ATM: variants seen among roughly 807,000 people sequenced by gnomAD.
ATM encodes the protein ATM serine/threonine kinase.
ATM carries 308 observed loss-of-function variants against 387.0 expected under a neutral mutation model. The ratio of observed to expected loss-of-function variants is 0.80; its 90% confidence interval spans 0.73 to 0.87. The LOEUF is 0.87. ATM is among the 40% of genes least tolerant of loss of function. The probability of loss-of-function intolerance (pLI) is 0.00; values close to 1 mark genes in which losing one functional copy is unlikely to be tolerated. For missense variants in ATM, 3,312 were observed against 3,560.9 expected, an observed-to-expected ratio of 0.93 and a Z score of 1.78; for synonymous variants, 1,156 against 1,187.3, an observed-to-expected ratio of 0.97 and a Z score of 0.54.
intron 40 of ATM, among the ~76,000 whole-genome samples, chr11:108,313,594 GATTTTTCTC>G (rs2084355744): frequency 6.6e-6 from 1 of 152,080 alleles, no homozygotes; most frequent in Non-Finnish European, 1.5e-5. Flanking sequence ...CCACTCTCCT[GATTTTTCTC>G]CTTTCACTTT....
chr11:108,234,379 G>T (rs1294473082), intron 4 of ATM, among the ~76,000 whole-genome samples: 2 of 152,134 alleles, frequency 1.3e-5, no homozygotes, highest in East Asian at 3.9e-4. Flanking sequence ...TTTTAAGATT[G>T]TCAGTATGGA....
At position 108,366,950 on chromosome 11, in the gene ATM, A is replaced by G. The variant is rs1422194556; in HGVS notation, c.*1442A>G. The G allele has an allele frequency of 4.6e-6, 1 of 217,392 alleles. No individual in the cohort carries two copies. Among genetic ancestry groups the G allele is most frequent in the Non-Finnish European group, 9.3e-6 (1 of 108,056 alleles). 13.5% of individuals were successfully genotyped at this position (217,392 alleles called of 1,614,324 possible). A position where few individuals can be genotyped will look rare whatever the true frequency, so the allele number is the denominator to read the frequency against. On this transcript the variant is annotated 3_prime_UTR_variant, in exon 63 of 63. Coordinates refer to ENST00000675843, the MANE Select transcript of ATM (RefSeq NM_000051.4). ...ACTGGCAAATTGTTCCAGGACAGCT[A>G]CAGCATCAGCTCACATATTCACCTC...
At chr11:108,280,626 A>G (rs538291993) in intron 23 of ATM, among the ~76,000 whole-genome samples, 23 of 152,258 alleles carry the variant, frequency 1.5e-4, no homozygotes, top group Middle Eastern at 3.4e-3. Flanking sequence ...AAGCAATCCA[A>G]TTACACTGTT....
At chr11:108,305,414 T>C (rs903685665) in intron 37 of ATM, among the ~76,000 whole-genome samples, 4 of 152,088 alleles carry the variant, frequency 2.6e-5, no homozygotes, top group Non-Finnish European at 4.4e-5. Context: ...ACCCCGTCCC[T>C]ACTAAAAATA....
intron 59 of ATM, among the ~76,000 whole-genome samples, chr11:108,353,167 T>G (rs981124327): frequency 3.3e-5 from 5 of 151,914 alleles, no homozygotes; most frequent in Non-Finnish European, 7.4e-5. Flanking sequence ...TTTTTTTTTT[T>G]GATGGAGTTT....
chr11:108,229,524 AG>A, intron 4 of ATM: 1 of 525,360 alleles, frequency 1.9e-6, no homozygotes, highest in East Asian at 3.3e-5. Flanking sequence ...CAAGTGAAGC[AG>A]TGGGAGTTTA....
chr11:108,265,630 A>G lies in ATM; in HGVS notation c.2467-1541A>G, dbSNP rs1320434840. On this transcript the variant is annotated intron_variant, in intron 16 of 62. Coordinates refer to ENST00000675843, the MANE Select transcript of ATM (RefSeq NM_000051.4). The stretch of plus-strand genomic sequence containing the variant: ...ATGGCAACAAAAGACAGAATTGACA[A>G]ATGGGATCTAATTAAACTAAAGAGC... Among the ~76,000 whole-genome samples the G allele has an allele frequency of 2.7e-5, 4 of 150,232 alleles. No individual in the cohort carries two copies. The East Asian group carries it at 7.8e-4, about 29-fold the overall frequency.
In ATM at chr11:108,317,433, GAAAAT is replaced by G; in HGVS notation, c.6263_6267del (p.Asn2088ArgfsTer5). Reference sequence around the variant, plus strand: ...CGTCTATTTAAAAGGATTGGATTATGAAAATAAAGACTGGTGTCCTGAACTAGAAG... The same window carrying G: ...CGTCTATTTAAAAGGATTGGATTATGAAAGACTGGTGTCCTGAACTAGAAG... On this transcript the variant is annotated frameshift_variant, in exon 43 of 63. Transcript: ENST00000675843. LOFTEE classifies it high-confidence loss of function. The G allele has an allele frequency of 6.2e-7, 1 of 1,611,756 alleles. No homozygotes were observed. The highest frequency in any genetic ancestry group is 2.2e-5 in the East Asian group (1 of 44,734).
intron 29 of ATM, 169 bp downstream of exon 29, chr11:108,289,970 T>C: frequency 1.7e-6 from 1 of 597,324 alleles, no homozygotes; most frequent in Non-Finnish European, 2.9e-6. Flanking sequence ...TTATCCTTCC[T>C]CCTCACCCTG....
Position 108,272,825 on chromosome 11 carries a change from G to A in ATM, c.3257G>A (p.Arg1086His), listed in dbSNP as rs769857066. Residue 1086 changes from arginine (R) to histidine (H), a missense_variant, in exon 22 of 63, where the codon CGC (arginine) becomes CAC (histidine). By Grantham distance (29) the Arg-to-His change is conservative (BLOSUM62 0). Around this residue, in one of 4 missense-constraint regions of ATM, gnomAD observed 1,791 missense variants for 1,804.5 expected, o/e 0.99. Transcript: ENST00000675843. Reference protein sequence around the residue: ...QFLADNHHQVRMLAAESINRL... With the variant: ...QFLADNHHQVHMLAAESINRL... ...CTTGCTGACAATCATCACCAAGTTC[G>A]CATGTTGGCTGCAGAGTCAATCAAT... The A allele has an allele frequency of 1.5e-5, 24 of 1,613,874 alleles. No individual in the cohort carries two copies. In the Middle Eastern group the frequency reaches 4.9e-4, roughly 33 times the overall value.
rs150503164 is a variant in ATM, at chr11:108,327,667, C to A, written c.6998C>A (p.Thr2333Lys). Residue 2333 changes from threonine (T) to lysine (K), a missense_variant, in exon 48 of 63, where the codon ACA (threonine) becomes AAA (lysine). By Grantham distance (78) the Thr-to-Lys change is moderately conservative. Coordinates refer to ENST00000675843, the MANE Select transcript of ATM (RefSeq NM_000051.4). ...CAANNPSLKL[T>K]YTECLRVCGN... The stretch of plus-strand genomic sequence containing the variant: ...CAGAACAATCCCAGCCTAAAACTTA[C>A]ATACACAGAATGTCTGAGGGTTTGT... The A allele has an allele frequency of 7.3e-5, 117 of 1,613,754 alleles. No individual in the cohort carries two copies. In the African/African-American group the frequency reaches 1.4e-3, roughly 19 times the overall value.
intron 38 of ATM, among the ~76,000 whole-genome samples, chr11:108,309,227 G>A (rs1371435389): frequency 6.6e-6 from 1 of 152,212 alleles, no homozygotes; most frequent in Non-Finnish European, 1.5e-5. Flanking sequence ...ATTGCTTGCT[G>A]TCTTTGAACC....
intron 32 of ATM, among the ~76,000 whole-genome samples, chr11:108,296,350 A>AC (rs757172135): frequency 2.0e-4 from 31 of 151,986 alleles, no homozygotes; most frequent in Non-Finnish European, 4.1e-4. Flanking sequence ...TCCTGGGTTC[A>AC]AGTGATTCTC....
At chr11:108,289,942 C>T in intron 29 of ATM, 141 bp downstream of exon 29, 1 of 718,726 alleles carries the variant, frequency 1.4e-6, no homozygotes, top group South Asian at 1.8e-5. Context: ...ACTGCATCCT[C>T]AACCTCCTGG....
chr11:108,260,457 G>T (rs892972926), intron 16 of ATM, among the ~76,000 whole-genome samples: 1 of 152,146 alleles, frequency 6.6e-6, no homozygotes, highest in African/African-American at 2.4e-5. Flanking sequence ...GATGGATGTA[G>T]GATAATTTCT....
At chr11:108,363,780 A>T (rs778410887) in intron 61 of ATM, among the ~76,000 whole-genome samples, 1 of 152,110 alleles carries the variant, frequency 6.6e-6, no homozygotes, top group Non-Finnish European at 1.5e-5. Context: ...TTCCTCCTTA[A>T]TTCTAATATT....
chr11:108,223,584 A>G (rs901907457), intron 1 of ATM: 4 of 152,232 alleles, frequency 2.6e-5, no homozygotes, highest in African/African-American at 9.7e-5. Context: ...TGGAATTGGA[A>G]TTCTGTCAGT....
intron 40 of ATM, among the ~76,000 whole-genome samples, chr11:108,313,766 T>C (rs1189072603): frequency 6.6e-6 from 1 of 152,242 alleles, no homozygotes; most frequent in Admixed American, 6.5e-5. Context: ...TATAGAATTA[T>C]GCCAATATAA....
At chr11:108,355,845 T>G (rs1396798539) in intron 61 of ATM, 1 of 152,228 alleles carries the variant, frequency 6.6e-6, no homozygotes, top group Non-Finnish European at 1.5e-5. Context: ...TGGGGCTTTA[T>G]CCCTTGGAAG....
Sources: gnomAD v4.1 joint callset for allele counts (sites outside exome capture counted in the v4.1 genomes callset) on GRCh38, gnomAD v4.1.1 for gene constraint, gnomAD v4.1.1 regional missense constraint, MANE v1.5 for transcripts, NCBI Gene and HGNC (gene_info 2026-07-23, HGNC 2026-07-21) for gene names.